The following SWT1 variants were observed in gnomAD, a reference collection of about 807,000 sequenced individuals.
The protein encoded by SWT1 is SWT1 RNA endoribonuclease homolog, also known as transcriptional protein SWT1.
A neutral mutation model predicts 107.3 loss-of-function variants in SWT1; 33 were observed. The observed-to-expected ratio is 0.31, with a 90% confidence interval of 0.23 to 0.41. SWT1 has a LOEUF of 0.41. Among genes scored for constraint, SWT1 ranks in the 10% least tolerant of loss-of-function variants. The pLI is 1.00. For synonymous variants in SWT1, 345 were observed against 348.3 expected, an observed-to-expected ratio of 0.99 and a Z score of 0.11; for missense variants, 898 against 1,028.9, an observed-to-expected ratio of 0.87 and a Z score of 1.74.
At chr1:185,198,188 G>A (rs1657562335) in intron 10 of SWT1, among the ~76,000 whole-genome samples, 1 of 152,024 alleles carries the variant, frequency 6.6e-6, no homozygotes, top group South Asian at 2.1e-4. Flanking sequence ...CCTTCATTTC[G>A]TTATTTACTC....
In SWT1 at chr1:185,235,434, G is replaced by T. The variant is rs575498111; in HGVS notation, c.2441+3726G>T. 5.5e-3 allele frequency among the ~76,000 whole-genome samples: 834 copies of T among 152,174 alleles called. 32 individuals carry two copies. The East Asian group carries it at 0.093, about 17-fold the overall frequency. On this transcript the variant is annotated intron_variant, in intron 16 of 18. Coordinates refer to ENST00000367500, the MANE Select transcript of SWT1 (RefSeq NM_017673.7). ...TACGCAATTCAATAAATGTAATCCA[G>T]CATATAAACAGAGCCAAAGACAAAA...
rs563845009 is a variant in SWT1, at chr1:185,208,000, T to C, written c.1972+1237T>C. Among the ~76,000 whole-genome samples the C allele has an allele frequency of 3.9e-5, 6 of 152,334 alleles. No homozygotes were observed. The South Asian group carries it at 1.2e-3, about 32-fold the overall frequency. On this transcript the variant is annotated intron_variant, in intron 13 of 18. Coordinates refer to ENST00000367500, the MANE Select transcript of SWT1 (RefSeq NM_017673.7). ...CAAACTCCTCACATGAAGTGATGTG[T>C]TTATTATTTCATATATTAATTATAT... is the stretch of plus-strand genomic sequence containing the variant.
At chr1:185,248,937 A>G (rs1192951506) in intron 16 of SWT1, among the ~76,000 whole-genome samples, 8 of 152,176 alleles carry the variant, frequency 5.3e-5, no homozygotes, top group Non-Finnish European at 1.2e-4. Context: ...CTGTATAACA[A>G]ATCACCCCAA....
chr1:185,196,788 T>C (rs1022847985), intron 10 of SWT1, among the ~76,000 whole-genome samples: 5 of 152,366 alleles, frequency 3.3e-5, no homozygotes, highest in African/African-American at 1.2e-4. Flanking sequence ...TTGCTGTTTG[T>C]CATTTATTGG....
Position 185,206,413 on chromosome 1 carries a change from T to C in SWT1, c.1834-212T>C, listed in dbSNP as rs575577340. Among the ~76,000 whole-genome samples the C allele has an allele frequency of 2.6e-5, 4 of 152,340 alleles. No homozygotes were observed. In the South Asian group the frequency reaches 8.3e-4, roughly 32 times the overall value. ...TTCTTTTTTGCACAGTTTCTGAAAC[T>C]ATTAAGATTAATACTAACATGAGTT... On this transcript the variant is annotated intron_variant, in intron 12 of 18. Transcript: ENST00000367500.
chr1:185,266,685 A>T (rs1663424162), intron 16 of SWT1: 1 of 148,444 alleles, frequency 6.7e-6, no homozygotes. Context: ...TTTCTTAAAG[A>T]GATATATTGA....
At chr1:185,206,546 A>C in intron 12 of SWT1, 79 bp from the exon 13 acceptor site, 1 of 795,644 alleles carries the variant, frequency 1.3e-6, no homozygotes, top group Non-Finnish European at 1.8e-6. Context: ...AAATATATGT[A>C]GGAATTCCTA....
chr1:185,184,617 C>T (rs1656298235), intron 8 of SWT1, 126 bp from the exon 9 acceptor site: 1 of 612,466 alleles, frequency 1.6e-6, no homozygotes, highest in South Asian at 2.4e-5. Context: ...TATTGTCTCT[C>T]AATTTATTGT....
At chr1:185,224,961 T>G (rs1182349437) in intron 15 of SWT1, among the ~76,000 whole-genome samples, 2 of 152,192 alleles carry the variant, frequency 1.3e-5, no homozygotes, top group African/African-American at 4.8e-5. Flanking sequence ...TTCCTTTTCT[T>G]GCCTAATTGC....
chr1:185,205,454 C>T (rs550238051), intron 12 of SWT1, among the ~76,000 whole-genome samples: 9 of 152,240 alleles, frequency 5.9e-5, no homozygotes, highest in African/African-American at 1.7e-4. Context: ...CTGCAACCTC[C>T]GCCTCCCAGA....
intron 4 of SWT1, among the ~76,000 whole-genome samples, chr1:185,174,053 T>C (rs180992168): frequency 6.6e-5 from 10 of 152,298 alleles, no homozygotes; most frequent in Admixed American, 6.5e-4. Context: ...CGTTCTGTTT[T>C]TCCTCACTGG....
At chr1:185,175,316 T>A (rs1305513954) in intron 5 of SWT1, among the ~76,000 whole-genome samples, 19 of 151,714 alleles carry the variant, frequency 1.3e-4, no homozygotes, top group Admixed American at 1.2e-3. Context: ...AGCCTTGACC[T>A]CCTGGGTTCA....
At chr1:185,228,948 G>C (rs992090808) in intron 15 of SWT1, among the ~76,000 whole-genome samples, 8 of 152,176 alleles carry the variant, frequency 5.3e-5, no homozygotes, top group Non-Finnish European at 1.5e-5. Context: ...CTGGAGCAAG[G>C]GGGCAGAGTA....
intron 16 of SWT1, among the ~76,000 whole-genome samples, chr1:185,247,468 T>A (rs914707950): frequency 1.3e-5 from 2 of 152,244 alleles, no homozygotes; most frequent in African/African-American, 4.8e-5. Flanking sequence ...TATCTGCTCT[T>A]TCATTTTTTG....
At chr1:185,240,911 A>G (rs1413405817) in intron 16 of SWT1, among the ~76,000 whole-genome samples, 1 of 152,078 alleles carries the variant, frequency 6.6e-6, no homozygotes, top group Non-Finnish European at 1.5e-5. Flanking sequence ...TGGTATATTT[A>G]TGCATTATTT....
intron 16 of SWT1, among the ~76,000 whole-genome samples, chr1:185,244,770 A>G (rs1661486257): frequency 6.6e-6 from 1 of 152,194 alleles, no homozygotes. Context: ...ACTCTTTTCC[A>G]GTAACACTTA....
rs747442741 is a variant in SWT1 at position 185,174,663 on chromosome 1, A to G, written c.516A>G (p.Lys172=). ...PKAEGQASEN[K]WSHLLVQREK... ...CCGAAGGCCAGGCAAGTGAAAATAAATGGTCTCATTTACTTGTTCAGAGAG... is the reference window on the plus strand; with the variant it reads ...CCGAAGGCCAGGCAAGTGAAAATAAGTGGTCTCATTTACTTGTTCAGAGAG... The change falls in exon 5 of 19, where the codon AAA becomes AAG. Residue 172 remains lysine, a synonymous_variant. Transcript: ENST00000367500. The G allele has an allele frequency of 4.3e-6, 7 of 1,613,756 alleles. No individual in the cohort carries two copies. In the East Asian group the frequency reaches 1.3e-4, roughly 31 times the overall value.
At chr1:185,226,414 A>G (rs1660059272) in intron 15 of SWT1, among the ~76,000 whole-genome samples, 1 of 152,126 alleles carries the variant, frequency 6.6e-6, no homozygotes, top group Non-Finnish European at 1.5e-5. Context: ...GTCTGGTAGG[A>G]CCTATGCACA....
chr1:185,282,390 C>A (rs1664687430), intron 18 of SWT1, among the ~76,000 whole-genome samples: 1 of 151,484 alleles, frequency 6.6e-6, no homozygotes, highest in African/African-American at 2.4e-5. Context: ...AAAAAAAAAT[C>A]CCTGAACTAC....
Sources: gnomAD v4.1 joint callset for allele counts (sites outside exome capture counted in the v4.1 genomes callset) on GRCh38, gnomAD v4.1.1 for gene constraint, MANE v1.5 for transcripts, NCBI Gene and HGNC (gene_info 2026-07-23, HGNC 2026-07-21) for gene names.